The following ABCA1 variants were observed in gnomAD, a reference collection of about 807,000 sequenced individuals.
ABCA1 encodes phospholipid-transporting ATPase ABCA1.
Under a neutral mutation model 262.5 loss-of-function variants are expected in ABCA1, and 133 were observed. The observed-to-expected ratio is 0.51, with a 90% CI of 0.44 to 0.59. The LOEUF (loss-of-function observed/expected upper bound fraction) is 0.59. Among genes scored for constraint, ABCA1 ranks in the 20% least tolerant of loss-of-function variants. The probability of loss-of-function intolerance (pLI) is 0.00; values close to 1 mark genes in which losing one functional copy is unlikely to be tolerated. For synonymous variants in ABCA1, 1,022 were observed against 1,043.5 expected (o/e 0.98, Z 0.40); for missense variants, 2,452 against 2,777.5 (o/e 0.88, Z 2.63).
intron 26 of ABCA1, 68 bp from the exon 27 acceptor site, chr9:104,814,299 A>G (rs1831536733): frequency 2.5e-6 from 4 of 1,573,696 alleles, no homozygotes; most frequent in Non-Finnish European, 3.5e-6. Flanking sequence ...CCCCATCTGC[A>G]ACAAACCTAC....
intron 1 of ABCA1, among the ~76,000 whole-genome samples, chr9:104,919,811 T>C (rs1001877375): frequency 6.6e-6 from 1 of 152,212 alleles, no homozygotes; most frequent in Non-Finnish European, 1.5e-5. Context: ...GGTTCTATGA[T>C]TCAAATCTTC....
intron 1 of ABCA1, among the ~76,000 whole-genome samples, chr9:104,913,856 C>A (rs930114812): frequency 6.6e-6 from 1 of 152,106 alleles, no homozygotes. Context: ...AGTGCAGTGG[C>A]GCGATCTCGG....
chr9:104,815,533 T>C (rs1227220577), intron 25 of ABCA1, among the ~76,000 whole-genome samples: 1 of 152,190 alleles, frequency 6.6e-6, no homozygotes, highest in Admixed American at 6.5e-5. Flanking sequence ...CTGAATCTCA[T>C]GTCAGCATTC....
chr9:104,918,095 T>C (rs1323135074), intron 1 of ABCA1, among the ~76,000 whole-genome samples: 2 of 152,162 alleles, frequency 1.3e-5, no homozygotes, highest in Non-Finnish European at 2.9e-5. Flanking sequence ...TGAGATCATA[T>C]ATAAGAAGAA....
Position 104,802,254 on chromosome 9 carries a change from C to A in ABCA1, c.4593-95G>T. On this transcript the variant is annotated intron_variant, in intron 33 of 49. Transcript: ENST00000374736. ...CGAGTGTGTACAAGGTTCACTGAGT[C>A]AAATTCCTGTTCAAAGGAGGGCTAA... is the stretch of plus-strand genomic sequence containing the variant. 3.5e-6 allele frequency: 4 copies of A among 1,155,920 alleles called. No individual in the cohort carries two copies. In the South Asian group the frequency reaches 5.0e-5, roughly 14 times the overall value. The allele number at this position is 1,155,920 out of a possible 1,614,324, so 71.6% of individuals were successfully genotyped here.
At chr9:104,862,647 G>GCAC (rs1836578724) in intron 5 of ABCA1, among the ~76,000 whole-genome samples, 1 of 2,334 alleles carries the variant, frequency 4.3e-4, no homozygotes, top group African/African-American at 1.5e-3. Flanking sequence ...GCCGGGCCGG[G>GCAC]CCGGGCCGGG....
chr9:104,803,593 T>C (rs970273199), intron 32 of ABCA1, among the ~76,000 whole-genome samples: 5 of 151,746 alleles, frequency 3.3e-5, no homozygotes, highest in Admixed American at 6.6e-5. Context: ...GTAACCAAAC[T>C]AGAAGCTTTT....
chr9:104,861,831 A>C, intron 5 of ABCA1, 31 bp from the exon 6 acceptor site: 1 of 1,578,896 alleles, frequency 6.3e-7, no homozygotes, highest in Non-Finnish European at 8.6e-7. Flanking sequence ...ATTTTTATTT[A>C]GTAAGTAACT....
Position 104,831,794 on chromosome 9 carries a change from T to C in ABCA1, c.1543A>G (p.Thr515Ala), listed in dbSNP as rs149919853. The change falls in exon 13 of 50, where the codon ACA (threonine) becomes GCA (alanine). Residue 515 changes from threonine to alanine, a missense_variant. Transcript: ENST00000374736. ...VNLNKLEPIA[T>A]EVWLINKSME... The stretch of plus-strand genomic sequence containing the variant: ...GACTTGTTGATGAGCCAGACTTCTG[T>C]TGCTATGGGTTCTAGCTTGTTCAGG... The C allele has an allele frequency of 6.2e-7, 1 of 1,614,106 alleles. No individual in the cohort carries two copies. The highest frequency in any genetic ancestry group is 8.5e-7 in the Non-Finnish European group (1 of 1,180,050).
At position 104,831,040 on chromosome 9, in the gene ABCA1, A is replaced by G. The variant is rs759101142; in HGVS notation, c.1777T>C (p.Phe593Leu). 6.2e-7 allele frequency: 1 copy of G among 1,613,778 alleles called. No individual in the cohort carries two copies. Among genetic ancestry groups the G allele is most frequent in the Admixed American group, 1.7e-5 (1 of 59,996 alleles). The change falls in exon 14 of 50, where the codon TTC becomes CTC. Residue 593 changes from phenylalanine to leucine, a missense_variant. Around this residue, in one of 4 missense-constraint regions of ABCA1, gnomAD observed 1,032 missense variants for 1,089.7 expected, o/e 0.95. Transcript: ENST00000374736. The part of the protein sequence containing the change: ...FEDMRYVWGG[F>L]AYLQDVVEQA... ...TCCACCACATCCTGCAAGTAGGCGA[A>G]GCCCCCCCAGACGTACCGCATGTCC...
chr9:104,857,146 A>C (rs927553349), intron 7 of ABCA1, among the ~76,000 whole-genome samples: 5 of 152,164 alleles, frequency 3.3e-5, no homozygotes, highest in Admixed American at 3.3e-4. Context: ...TCTACTAAAA[A>C]TACAAAAAAT....
At chr9:104,858,807 C>T in intron 6 of ABCA1, 109 bp from the exon 7 acceptor site, 1 of 1,121,948 alleles carries the variant, frequency 8.9e-7, no homozygotes, top group Non-Finnish European at 1.3e-6. Context: ...CTTTGAAGAT[C>T]TTAAAACAGG....
chr9:104,900,577 G>T (rs1372693072), intron 2 of ABCA1, among the ~76,000 whole-genome samples: 1 of 152,196 alleles, frequency 6.6e-6, no homozygotes, highest in Non-Finnish European at 1.5e-5. Flanking sequence ...AAGCCAGGTG[G>T]ATTGGAAAGT....
rs7341705 is a variant in ABCA1 at position 104,889,067 on chromosome 9, T to C, written c.160+35A>G. The C allele has an allele frequency of 3.8e-3, 5,921 of 1,574,952 alleles. 210 individuals carry two copies. The African/African-American group carries it at 0.07, about 19-fold the overall frequency. On this transcript the variant is annotated intron_variant, in intron 3 of 49. Transcript: ENST00000374736. ...TTAATTGCCTGGATTTTCCCTGCCATTGGTGAGTCTCAGGCAACATCCACA... is the reference window on the plus strand; with the variant it reads ...TTAATTGCCTGGATTTTCCCTGCCACTGGTGAGTCTCAGGCAACATCCACA...
Position 104,799,693 on chromosome 9 carries a change from T to C in ABCA1, c.4943+126A>G, listed in dbSNP as rs1830175758. ...CACTTCTGCCCAGAGCCTGGATCAA[T>C]CCAGATTTATCATAATATAACGGTC... On this transcript the variant is annotated intron_variant, in intron 36 of 49. Transcript: ENST00000374736. 3.8e-6 allele frequency: 6 copies of C among 1,579,892 alleles called. No individual in the cohort carries two copies. The Admixed American group carries it at 1.1e-4, about 28-fold the overall frequency.
At chr9:104,916,752 T>C (rs1198769193) in intron 1 of ABCA1, among the ~76,000 whole-genome samples, 3 of 152,208 alleles carry the variant, frequency 2.0e-5, no homozygotes, top group Admixed American at 6.5e-5. Flanking sequence ...CGATCTGGGC[T>C]CACTGCAACT....
chr9:104,903,754 G>A lies in ABCA1; in HGVS notation c.-75C>T, dbSNP rs992537601. 1.3e-5 allele frequency: 18 copies of A among 1,370,408 alleles called. No individual in the cohort carries two copies. The highest frequency in any genetic ancestry group is 7.1e-5 in the African/African-American group (5 of 69,968). The allele number at this position is 1,370,408 out of a possible 1,614,324, so 84.9% of individuals were successfully genotyped here. A position where few individuals can be genotyped will look rare whatever the true frequency, so the allele number is the denominator to read the frequency against. On this transcript the variant is annotated 5_prime_UTR_variant, in exon 2 of 50. Coordinates refer to ENST00000374736, the MANE Select transcript of ABCA1 (RefSeq NM_005502.4). Reference sequence around the variant, plus strand: ...AGCGGCCAGAGCTCACAGCAGGGACGCCGTGGCTGGTCATTAACTGAAAGA... The same window carrying A: ...AGCGGCCAGAGCTCACAGCAGGGACACCGTGGCTGGTCATTAACTGAAAGA...
rs1243890316 is a variant in ABCA1, at chr9:104,788,561, T to C, written c.5934A>G (p.Leu1978=). The C allele has an allele frequency of 6.2e-7, 1 of 1,614,170 alleles. No individual in the cohort carries two copies. The highest frequency in any genetic ancestry group is 2.2e-5 in the East Asian group (1 of 44,886). The stretch of plus-strand genomic sequence containing the variant: ...TCTGATGTACTTCATGGATGTTTGA[T>C]AAGATACTGCAAAGGACAAGAAAAC... ...GDAFLNKNSI[L]SNIHEVHQNM... Residue 1978 remains leucine (L), a synonymous_variant, in exon 45 of 50, where the codon TTA becomes TTG. Coordinates refer to ENST00000374736, the MANE Select transcript of ABCA1 (RefSeq NM_005502.4).
At chr9:104,909,080 C>G (rs1259209393) in intron 1 of ABCA1, among the ~76,000 whole-genome samples, 1 of 152,188 alleles carries the variant, frequency 6.6e-6, no homozygotes, top group South Asian at 2.1e-4. Context: ...GACCTAAGAA[C>G]TGGATAGTGT....
Sources: allele counts gnomAD v4.1 joint callset (sites outside exome capture counted in the v4.1 genomes callset), GRCh38; gene constraint gnomAD v4.1.1; regional missense constraint gnomAD v4.1.1; transcripts MANE v1.5; gene names NCBI Gene and HGNC (gene_info 2026-07-23, HGNC 2026-07-21).